CDIP1: variants seen among roughly 807,000 people sequenced by gnomAD.
CDIP1 encodes the protein cell death-inducing p53-target protein 1.
CDIP1 carries 9 observed loss-of-function variants against 17.7 expected under a neutral mutation model. The observed-to-expected ratio is 0.51, with a 90% CI of 0.31 to 0.89. CDIP1 has a LOEUF of 0.89. Among genes scored for constraint, CDIP1 ranks in the 40% least tolerant of loss-of-function variants. CDIP1 has a pLI of 0.05. For missense variants in CDIP1, 263 were observed against 277.9 expected, an observed-to-expected ratio of 0.95 and a Z score of 0.38; for synonymous variants, 117 against 109.5, an observed-to-expected ratio of 1.07 and a Z score of -0.43.
intron 1 of CDIP1, among the ~76,000 whole-genome samples, chr16:4,528,754 T>A (rs987885639): frequency 1.7e-4 from 25 of 147,986 alleles, no homozygotes; most frequent in African/African-American, 6.2e-4. Context: ...TTTGGGAGGC[T>A]GAGGCACGCA....
Sources: gnomAD v4.1 joint callset for allele counts (sites outside exome capture counted in the v4.1 genomes callset) on GRCh38, gnomAD v4.1.1 for gene constraint, MANE v1.5 for transcripts, NCBI Gene and HGNC (gene_info 2026-07-23, HGNC 2026-07-21) for gene names.